Variants in TAS2R1 observed in about 807,000 individuals in gnomAD.
TAS2R1 encodes the protein taste 2 receptor member 1.
For missense variants in TAS2R1, 370 were observed against 353.4 expected, an observed-to-expected ratio of 1.05 and a Z score of -0.38; for synonymous variants, 141 against 134.2, an observed-to-expected ratio of 1.05 and a Z score of -0.35.
the TAS2R1 span, among the ~76,000 whole-genome samples, chr5:9,873,872 G>GGA: frequency 5.2e-4 from 63 of 121,732 alleles, 1 homozygote; most frequent in African/African-American, 1.9e-3. Flanking sequence ...CTGTCTCGGG[G>GGA]AAAAAAAAAA....
the TAS2R1 span, among the ~76,000 whole-genome samples, chr5:9,734,460 T>C: frequency 6.6e-6 from 1 of 152,170 alleles, no homozygotes; most frequent in Admixed American, 6.6e-5. Flanking sequence ...AAAATGATGT[T>C]TGTTTGAGAA....
chr5:9,708,074 C>T (rs538996856), intron 1 of TAS2R1, among the ~76,000 whole-genome samples: 5 of 152,002 alleles, frequency 3.3e-5, no homozygotes, highest in Non-Finnish European at 5.9e-5. Flanking sequence ...AGCTCCTGGC[C>T]GCATAGATCA....
intron 1 of TAS2R1, among the ~76,000 whole-genome samples, chr5:9,683,000 A>G (rs1741056005): frequency 6.6e-6 from 1 of 152,184 alleles, no homozygotes; most frequent in Non-Finnish European, 1.5e-5. Flanking sequence ...CTAAATTCTG[A>G]GGGAGCCAGG....
rs192338520 is a variant in TAS2R1 at position 9,664,290 on chromosome 5, T to C, written c.-241-4709A>G. 1.2e-4 allele frequency among the ~76,000 whole-genome samples: 18 copies of C among 152,360 alleles called. 1 individual carries two copies. The East Asian group carries it at 3.1e-3, about 26-fold the overall frequency. ...TTCTGCAGAAAAGCAGAGGTTGTTA[T>C]ATCAAATACATCAGATGTCAATTGC... On this transcript the variant is annotated intron_variant, in intron 1 of 2. Coordinates refer to the TAS2R1 transcript ENST00000506620.
the TAS2R1 span, among the ~76,000 whole-genome samples, chr5:9,751,205 G>A: frequency 2.6e-5 from 4 of 151,450 alleles, no homozygotes; most frequent in African/African-American, 9.7e-5. Flanking sequence ...AAATATATTT[G>A]CTTGTGTGGT....
chr5:9,758,539 C>G, the TAS2R1 span, among the ~76,000 whole-genome samples: 1 of 152,156 alleles, frequency 6.6e-6, no homozygotes, highest in Non-Finnish European at 1.5e-5. Flanking sequence ...TCTCACCCAA[C>G]AGAGAAGAGA....
chr5:9,665,763 C>G (rs1740620251), intron 1 of TAS2R1, among the ~76,000 whole-genome samples: 1 of 152,142 alleles, frequency 6.6e-6, no homozygotes, highest in Non-Finnish European at 1.5e-5. Context: ...ATTACTTTGT[C>G]TGGCATATAG....
chr5:9,663,832 G>A (rs891461514), intron 1 of TAS2R1, among the ~76,000 whole-genome samples: 4 of 152,156 alleles, frequency 2.6e-5, no homozygotes, highest in Non-Finnish European at 4.4e-5. Flanking sequence ...AACAACCAGT[G>A]TCCTGATAAG....
the TAS2R1 span, among the ~76,000 whole-genome samples, chr5:9,833,930 A>C: frequency 3.9e-5 from 6 of 152,244 alleles, no homozygotes; most frequent in Non-Finnish European, 1.5e-5. Context: ...CTGAGGCATC[A>C]GTGTTGGCTT....
At chr5:9,893,563 T>A in the TAS2R1 span, among the ~76,000 whole-genome samples, 1 of 152,130 alleles carries the variant, frequency 6.6e-6, no homozygotes, top group African/African-American at 2.4e-5. Flanking sequence ...TTTAAGTTAG[T>A]AAATGCCTTT....
chr5:9,786,388 T>C, the TAS2R1 span, among the ~76,000 whole-genome samples: 2 of 152,214 alleles, frequency 1.3e-5, no homozygotes, highest in African/African-American at 4.8e-5. Context: ...GACTTTGATA[T>C]AGATGCTGTA....
the TAS2R1 span, among the ~76,000 whole-genome samples, chr5:9,793,316 CAT>C: frequency 2.0e-5 from 3 of 152,156 alleles, no homozygotes; most frequent in Admixed American, 6.5e-5. Context: ...ATAAAACACA[CAT>C]GTTAGGGAAG....
the TAS2R1 span, among the ~76,000 whole-genome samples, chr5:9,882,992 T>G: frequency 6.6e-6 from 1 of 152,120 alleles, no homozygotes; most frequent in Non-Finnish European, 1.5e-5. Flanking sequence ...CCATCAATGA[T>G]AGACTAGATA....
the TAS2R1 span, among the ~76,000 whole-genome samples, chr5:9,860,051 T>C: frequency 6.6e-6 from 1 of 152,160 alleles, no homozygotes. Flanking sequence ...GAAGTGTGTA[T>C]GTTTGTGTGT....
chr5:9,852,963 A>G, the TAS2R1 span, among the ~76,000 whole-genome samples: 4 of 152,220 alleles, frequency 2.6e-5, no homozygotes, highest in Admixed American at 2.0e-4. Flanking sequence ...GCTAGTTAGT[A>G]TAGAAAATGT....
rs556787794 is a variant in TAS2R1 at position 9,650,226 on chromosome 5, G to A, written c.-81+9195C>T. Reference sequence around the variant, plus strand: ...CGTTGCTTAAGAGATATAATCTTACGTACTTGCTGGATTTGTTTGTGGTTG... The same window carrying A: ...CGTTGCTTAAGAGATATAATCTTACATACTTGCTGGATTTGTTTGTGGTTG... On this transcript the variant is annotated intron_variant, in intron 2 of 2. Coordinates refer to the TAS2R1 transcript ENST00000506620. Among the ~76,000 whole-genome samples the A allele has an allele frequency of 7.4e-4, 112 of 152,158 alleles. 1 individual carries two copies. The highest frequency in any genetic ancestry group is 1.7e-4 in the African/African-American group (7 of 41,532).
the TAS2R1 span, among the ~76,000 whole-genome samples, chr5:9,804,063 G>A: frequency 1.3e-5 from 2 of 152,014 alleles, no homozygotes; most frequent in Non-Finnish European, 2.9e-5. Flanking sequence ...CCATGCCAAT[G>A]GACACCAAAA....
the TAS2R1 span, among the ~76,000 whole-genome samples, chr5:9,766,952 C>T: frequency 6.6e-6 from 1 of 152,084 alleles, no homozygotes; most frequent in Admixed American, 6.5e-5. Flanking sequence ...GCCTTGGGCT[C>T]CATCCTATGC....
At chr5:9,874,879 G>C in the TAS2R1 span, among the ~76,000 whole-genome samples, 1 of 152,088 alleles carries the variant, frequency 6.6e-6, no homozygotes, top group African/African-American at 2.4e-5. Flanking sequence ...TGGTCTTTAA[G>C]CCAAACCAAT....
Sources: gnomAD v4.1 joint callset for allele counts (sites outside exome capture counted in the v4.1 genomes callset) on GRCh38, gnomAD v4.1.1 for gene constraint, MANE v1.5 for transcripts, NCBI Gene and HGNC (gene_info 2026-07-23, HGNC 2026-07-21) for gene names.